Variants in CARS2 observed in about 807,000 individuals in gnomAD.
CARS2 encodes probable cysteine--tRNA ligase, mitochondrial.
Under a neutral mutation model 68.8 loss-of-function variants are expected in CARS2, and 52 were observed. That is an observed-to-expected ratio of 0.76 (90% CI 0.61 to 0.95). CARS2 has a LOEUF of 0.95. Ranked by LOEUF, CARS2 falls within the 40% of genes least tolerant of loss-of-function variation. CARS2 has a pLI of 0.00. For missense variants in CARS2, 780 were observed against 754.2 expected, an observed-to-expected ratio of 1.03 and a Z score of -0.40; for synonymous variants, 314 against 303.6, an observed-to-expected ratio of 1.03 and a Z score of -0.36.
chr13:110,653,362 G>A lies in CARS2; in HGVS notation c.988-2262C>T, dbSNP rs939533225. Reference sequence around the variant, plus strand: ...ATATTACTCCTGGGTCCTCTAATTCGCAACTCGCAGGCTTACTTGACACCC... The same window carrying A: ...ATATTACTCCTGGGTCCTCTAATTCACAACTCGCAGGCTTACTTGACACCC... On this transcript the variant is annotated intron_variant, in intron 9 of 14. Coordinates refer to ENST00000257347, the MANE Select transcript of CARS2 (RefSeq NM_024537.4). The surrounding 1 kb of genome is among the most constrained non-coding windows in gnomAD (Gnocchi z 5.6). Among the ~76,000 whole-genome samples, 1 of 152,034 alleles carries A rather than the reference G, an allele frequency of 6.6e-6. No individual in the cohort carries two copies. Among genetic ancestry groups the A allele is most frequent in the African/African-American group, 2.4e-5 (1 of 41,382 alleles).
chr13:110,704,646 G>C (rs2063888026), intron 2 of CARS2, among the ~76,000 whole-genome samples: 1 of 152,124 alleles, frequency 6.6e-6, no homozygotes, highest in African/African-American at 2.4e-5. Context: ...ATTGCTGCCA[G>C]GAGGCGGCAA....
At chr13:110,704,328 A>G (rs191386605) in intron 2 of CARS2, among the ~76,000 whole-genome samples, 1 of 152,228 alleles carries the variant, frequency 6.6e-6, no homozygotes, top group Non-Finnish European at 1.5e-5. Flanking sequence ...TGTTTTTAAT[A>G]TTTCCCCAAC....
In CARS2 at chr13:110,712,727, G is replaced by C. The variant is rs1005708358; in HGVS notation, n.399+410C>G. ...TACTGTGGGCGGCCTTTCCAAGTGTGGGGAGCGGCCTCCGAGAACGGTGTC... is the reference window on the plus strand; with the variant it reads ...TACTGTGGGCGGCCTTTCCAAGTGTCGGGAGCGGCCTCCGAGAACGGTGTC... On this transcript the variant is annotated intron_variant and non_coding_transcript_variant, in intron 1 of 2. Coordinates refer to the CARS2 transcript ENST00000485188. The C allele has an allele frequency of 4.3e-6, 3 of 696,462 alleles. No homozygotes were observed. In the South Asian group the frequency reaches 4.5e-5, roughly 10 times the overall value. The allele number at this position is 696,462 out of a possible 1,614,324, so 43.1% of individuals were successfully genotyped here. A position where few individuals can be genotyped will look rare whatever the true frequency, so the allele number is the denominator to read the frequency against.
intron 5 of CARS2, among the ~76,000 whole-genome samples, chr13:110,685,157 C>A (rs1183328114): frequency 6.6e-6 from 1 of 152,036 alleles, no homozygotes; most frequent in African/African-American, 2.4e-5. Context: ...TTTTCTGGTG[C>A]AAACTCTAAT....
chr13:110,659,349 T>C (rs2062446639), intron 9 of CARS2, among the ~76,000 whole-genome samples: 1 of 152,174 alleles, frequency 6.6e-6, no homozygotes, highest in African/African-American at 2.4e-5. Flanking sequence ...GTAAAAGATG[T>C]ATCCTGCTGT....
chr13:110,684,538 C>T (rs1053221293), intron 5 of CARS2, among the ~76,000 whole-genome samples: 20 of 150,170 alleles, frequency 1.3e-4, no homozygotes, highest in African/African-American at 4.6e-4. Flanking sequence ...GTTGAAATGT[C>T]ACCCGGCTTT....
chr13:110,709,403 G>A (rs531745779), upstream of CARS2, among the ~76,000 whole-genome samples: 3 of 152,142 alleles, frequency 2.0e-5, no homozygotes, highest in African/African-American at 7.2e-5. Flanking sequence ...AGCTAATTCT[G>A]TTTTCTTAAG....
chr13:110,664,050 T>C, intron 8 of CARS2: 3 of 985,364 alleles, frequency 3.0e-6, no homozygotes, highest in Non-Finnish European at 3.6e-6. Flanking sequence ...TCATCCCCTA[T>C]GTATGTGAAA....
chr13:110,644,310 A>G, intron 13 of CARS2, 75 bp downstream of exon 13: 2 of 1,457,414 alleles, frequency 1.4e-6, no homozygotes, highest in Middle Eastern at 1.7e-4. Flanking sequence ...CTCTATTCCA[A>G]GTTAAAAGGG....
At chr13:110,700,433 C>T (rs972852077) in intron 3 of CARS2, among the ~76,000 whole-genome samples, 12 of 152,138 alleles carry the variant, frequency 7.9e-5, no homozygotes, top group African/African-American at 2.7e-4. Context: ...TCTGAAGGCA[C>T]GCGTGGCGTG....
At chr13:110,700,164 T>G (rs1316216667) in intron 3 of CARS2, among the ~76,000 whole-genome samples, 1 of 152,100 alleles carries the variant, frequency 6.6e-6, no homozygotes, top group Non-Finnish European at 1.5e-5. Context: ...TGAACCTGAG[T>G]GGAGGGCCAC....
At chr13:110,700,856 G>C (rs915019167) in intron 3 of CARS2, among the ~76,000 whole-genome samples, 1 of 152,196 alleles carries the variant, frequency 6.6e-6, no homozygotes, top group Non-Finnish European at 1.5e-5. Flanking sequence ...TAAGATTGGA[G>C]CCAGGAGACG....
chr13:110,677,849 A>T (rs2063010680), intron 6 of CARS2: 1 of 152,118 alleles, frequency 6.6e-6, no homozygotes, highest in Non-Finnish European at 1.5e-5. Context: ...CCAGGCTGTC[A>T]CCACCACCTC....
At chr13:110,693,161 CA>C (rs1315154171) in intron 3 of CARS2, among the ~76,000 whole-genome samples, 1 of 143,228 alleles carries the variant, frequency 7.0e-6, no homozygotes, top group Admixed American at 7.1e-5. Flanking sequence ...CAGAAAGAGA[CA>C]ACATATAAAC....
At chr13:110,686,048 G>C (rs1000242115) in intron 5 of CARS2, among the ~76,000 whole-genome samples, 42 of 151,074 alleles carry the variant, frequency 2.8e-4, no homozygotes, top group Non-Finnish European at 1.9e-4. Context: ...GAAAAAGTGA[G>C]GAGACTAAAC....
chr13:110,687,270 C>T lies in CARS2; in HGVS notation c.571+451G>A, dbSNP rs149826146. ...CACAATATTGTAGAAAACCCCACAACAGCTTTGCTGTTGGAATCCTAGCAA... is the reference window on the plus strand; with the variant it reads ...CACAATATTGTAGAAAACCCCACAATAGCTTTGCTGTTGGAATCCTAGCAA... On this transcript the variant is annotated intron_variant, in intron 5 of 14. Coordinates refer to ENST00000257347, the MANE Select transcript of CARS2 (RefSeq NM_024537.4). 2.2e-4 allele frequency among the ~76,000 whole-genome samples: 33 copies of T among 152,336 alleles called. No individual in the cohort carries two copies. The East Asian group carries it at 5.6e-3, about 26-fold the overall frequency.
At chr13:110,675,880 G>T (rs1455655568) in intron 7 of CARS2, among the ~76,000 whole-genome samples, 1 of 152,202 alleles carries the variant, frequency 6.6e-6, no homozygotes, top group African/African-American at 2.4e-5. Context: ...CGTGGGCCAG[G>T]CGCAGTGGCT....
At chr13:110,678,666 C>T (rs374604391) in intron 6 of CARS2, among the ~76,000 whole-genome samples, 5 of 152,182 alleles carry the variant, frequency 3.3e-5, no homozygotes, top group African/African-American at 9.7e-5. Flanking sequence ...ACAGAAAATG[C>T]GGCCAAGGAC....
chr13:110,672,062 A>T (rs1469452367), intron 7 of CARS2, among the ~76,000 whole-genome samples: 1 of 152,186 alleles, frequency 6.6e-6, no homozygotes, highest in East Asian at 1.9e-4. Context: ...CAGATTCATA[A>T]AGCAAGTCCT....
Sources: gnomAD v4.1 joint callset for allele counts (sites outside exome capture counted in the v4.1 genomes callset) on GRCh38, gnomAD v4.1.1 for gene constraint, Gnocchi (gnomAD v3.1) non-coding constraint, MANE v1.5 for transcripts, NCBI Gene and HGNC (gene_info 2026-07-23, HGNC 2026-07-21) for gene names.